The following DDO variants were observed in gnomAD, a reference collection of about 807,000 sequenced individuals.
The protein encoded by DDO is D-aspartate oxidase.
In DDO, 16 loss-of-function variants were observed where a neutral mutation model predicts 16.8. The ratio of observed to expected loss-of-function variants is 0.95; its 90% confidence interval spans 0.65 to 1.45. The LOEUF (loss-of-function observed/expected upper bound fraction) is 1.45, where lower values mean the gene tolerates loss of function less well. Among genes scored for constraint, DDO ranks in the 40% most tolerant of loss-of-function variants. The pLI, the probability that DDO is intolerant of heterozygous loss-of-function variation, is 0.00. For missense variants in DDO, 429 were observed against 420.3 expected (o/e 1.02, Z -0.18); for synonymous variants, 180 against 167.2 (o/e 1.08, Z -0.59).
At position 110,392,998 on chromosome 6, in the gene DDO, G is replaced by T; in HGVS notation, c.803C>A (p.Ala268Asp). 6.2e-7 allele frequency: 1 copy of T among 1,611,236 alleles called. No individual in the cohort carries two copies. The highest frequency in any genetic ancestry group is 8.5e-7 in the Non-Finnish European group (1 of 1,177,540). ...CCALEPSLHG[A>D]CNIREKVGLR... ...GCCCACCTTCTCCCTGATGTTGCAG[G>T]CTCCGTGGAGGGAGGGCTCCAGAGC... is the stretch of plus-strand genomic sequence containing the variant. Residue 268 changes from alanine to aspartate, a missense_variant, in exon 5 of 5, where the codon GCC (alanine) becomes GAC (aspartate). Transcript: ENST00000368924.
chr6:110,407,719 G>A (rs1234594399), intron 3 of DDO, among the ~76,000 whole-genome samples: 1 of 152,202 alleles, frequency 6.6e-6, no homozygotes, highest in Non-Finnish European at 1.5e-5. Flanking sequence ...CATGTTTTAA[G>A]TGCTCGTCTT....
At chr6:110,390,997 A>G (rs1773088919), downstream of DDO, among the ~76,000 whole-genome samples, 1 of 152,230 alleles carries the variant, frequency 6.6e-6, no homozygotes, top group Admixed American at 6.5e-5. Context: ...TTTTGAATGT[A>G]CCAATGTATC....
chr6:110,388,917 T>C (rs927163580), downstream of DDO: 5 of 504,378 alleles, frequency 9.9e-6, no homozygotes, highest in African/African-American at 2.1e-5. Flanking sequence ...TCAACTTATA[T>C]AAACATTGAA....
At chr6:110,398,149 G>C (rs1773346835) in intron 4 of DDO, among the ~76,000 whole-genome samples, 1 of 151,908 alleles carries the variant, frequency 6.6e-6, no homozygotes, top group African/African-American at 2.4e-5. Context: ...CAAGAAGCAG[G>C]GCTCACGAAA....
At chr6:110,397,420 T>C (rs1213281544) in intron 4 of DDO, among the ~76,000 whole-genome samples, 2 of 152,206 alleles carry the variant, frequency 1.3e-5, no homozygotes, top group African/African-American at 4.8e-5. Flanking sequence ...CATTGTAGAT[T>C]CCATGTGTTA....
intron 2 of DDO, among the ~76,000 whole-genome samples, chr6:110,411,243 GGCA>G (rs1403175218): frequency 6.6e-6 from 1 of 152,136 alleles, no homozygotes; most frequent in Non-Finnish European, 1.5e-5. Context: ...TGAGCTCACT[GGCA>G]ACAAGCCCTG....
chr6:110,392,907 C>T lies in DDO; in HGVS notation c.894G>A (p.Leu298=). ...CATGGCCATAGTGGTGGACTACAGGCAGCCTCTGTCCATCTCGCGCAAGGA... is the reference window on the plus strand; with the variant it reads ...CATGGCCATAGTGGTGGACTACAGGTAGCCTCTGTCCATCTCGCGCAAGGA... ...TELLARDGQR[L]PVVHHYGHGS... The change falls in exon 5 of 5, where the codon CTG becomes CTA. Residue 298 remains leucine (L), a synonymous_variant. Coordinates refer to ENST00000368924, the MANE Select transcript of DDO (RefSeq NM_001372108.2). 6.2e-7 allele frequency: 1 copy of T among 1,614,246 alleles called. No homozygotes were observed.
chr6:110,401,047 C>A (rs139794087), intron 4 of DDO, among the ~76,000 whole-genome samples: 1 of 152,174 alleles, frequency 6.6e-6, no homozygotes, highest in Non-Finnish European at 1.5e-5. Context: ...ACTGTGTGCA[C>A]CCCGGAGCCC....
intron 3 of DDO, among the ~76,000 whole-genome samples, chr6:110,407,933 A>C (rs1025705300): frequency 6.6e-6 from 1 of 152,230 alleles, no homozygotes; most frequent in East Asian, 1.9e-4. Context: ...CACCGAATAA[A>C]TAAGAAGTCC....
At chr6:110,394,490 A>C (rs1773225837) in intron 4 of DDO, among the ~76,000 whole-genome samples, 1 of 152,208 alleles carries the variant, frequency 6.6e-6, no homozygotes, top group Non-Finnish European at 1.5e-5. Context: ...TTCACAGGTC[A>C]CTTGTAGAAT....
intron 4 of DDO, among the ~76,000 whole-genome samples, chr6:110,394,527 T>C (rs1487921014): frequency 6.6e-6 from 1 of 152,210 alleles, no homozygotes; most frequent in East Asian, 1.9e-4. Flanking sequence ...AGCAGCTCTG[T>C]TCAATAGACG....
intron 3 of DDO, among the ~76,000 whole-genome samples, chr6:110,405,578 A>T (rs1190993819): frequency 1.3e-5 from 2 of 152,234 alleles, no homozygotes; most frequent in African/African-American, 4.8e-5. Context: ...GCTGCTATGC[A>T]AATGTTTAGA....
Position 110,405,807 on chromosome 6 carries a change from G to T in DDO, c.282-857C>A, listed in dbSNP as rs115185142. ...AGTCCCAGCTATTGGGGAGACTGAA[G>T]TGGGAGGATCAACTGAGCCCAGGGA... On this transcript the variant is annotated intron_variant, in intron 3 of 4. Coordinates refer to ENST00000368924, the MANE Select transcript of DDO (RefSeq NM_001372108.2). Among the ~76,000 whole-genome samples the T allele has an allele frequency of 2.9e-3, 442 of 152,202 alleles. 3 individuals are homozygous for T. Among genetic ancestry groups the T allele is most frequent in the African/African-American group, 0.01 (423 of 41,524 alleles).
intron 1 of DDO, 144 bp downstream of exon 1, chr6:110,415,323 A>G (rs1774009738): frequency 9.3e-7 from 1 of 1,076,958 alleles, no homozygotes; most frequent in Non-Finnish European, 1.3e-6. Context: ...ACCAGCTGCC[A>G]GGGAGGAGGA....
At chr6:110,408,682 A>G (rs1324605810) in intron 2 of DDO, among the ~76,000 whole-genome samples, 2 of 152,214 alleles carry the variant, frequency 1.3e-5, no homozygotes, top group African/African-American at 2.4e-5. Flanking sequence ...CAATGGAGGG[A>G]AAACAGGCCA....
In DDO at chr6:110,404,781, C is replaced by G; in HGVS notation, c.451G>C (p.Glu151Gln). Reference protein sequence around the residue: ...CECPAYLPWLEKRIKGSGGWT... With the variant: ...CECPAYLPWLQKRIKGSGGWT... ...GGGAGCATTTCAACTGACCTTTTCT[C>G]CAACCACGGGAGGTAGGCAGGGCAT... Residue 151 changes from glutamate to glutamine, a missense_variant, in exon 4 of 5, where the codon GAG becomes CAG. Transcript: ENST00000368924. 1 of 1,613,988 alleles carries G rather than the reference C, an allele frequency of 6.2e-7. No individual in the cohort carries two copies. Among genetic ancestry groups the G allele is most frequent in the Non-Finnish European group, 8.5e-7 (1 of 1,179,950 alleles).
At chr6:110,389,694 C>T (rs1286977224), downstream of DDO, among the ~76,000 whole-genome samples, 2 of 152,018 alleles carry the variant, frequency 1.3e-5, no homozygotes, top group African/African-American at 4.8e-5. Context: ...TTTTTTTTCT[C>T]TGATTTGTTC....
chr6:110,400,092 A>G (rs1364137836), intron 4 of DDO, among the ~76,000 whole-genome samples: 1 of 152,110 alleles, frequency 6.6e-6, no homozygotes, highest in Admixed American at 6.5e-5. Flanking sequence ...GGAAATGCTG[A>G]CCGCAGGCCC....
chr6:110,404,732 G>A, intron 4 of DDO, 42 bp downstream of exon 4: 1 of 1,601,318 alleles, frequency 6.2e-7, no homozygotes. Flanking sequence ...GTGATTTATG[G>A]CTATGACAGA....
Sources: gnomAD v4.1 joint callset for allele counts (sites outside exome capture counted in the v4.1 genomes callset) on GRCh38, gnomAD v4.1.1 for gene constraint, MANE v1.5 for transcripts, NCBI Gene and HGNC (gene_info 2026-07-23, HGNC 2026-07-21) for gene names.